DNAH3: variants seen among roughly 807,000 people sequenced by gnomAD.
DNAH3 encodes the protein axonemal beta dynein heavy chain 3.
DNAH3 carries 332 observed loss-of-function variants against 432.5 expected under a neutral mutation model. That is an observed-to-expected ratio of 0.77 (90% CI 0.70 to 0.84). The LOEUF is 0.84. Ranked by LOEUF, DNAH3 falls within the 40% of genes least tolerant of loss-of-function variation. The pLI is 0.00. For synonymous variants in DNAH3, 1,956 were observed against 1,900.2 expected (o/e 1.03, Z -0.76); for missense variants, 4,861 against 5,114.0 (o/e 0.95, Z 1.51).
rs576138320 is a variant in DNAH3, at chr16:21,042,683, T to A, written c.4462-480A>T. 8.3e-4 allele frequency among the ~76,000 whole-genome samples: 127 copies of A among 152,282 alleles called. 1 individual carries two copies. The highest frequency in any genetic ancestry group is 2.8e-3 in the African/African-American group (116 of 41,568). On this transcript the variant is annotated intron_variant, in intron 31 of 61. Transcript: ENST00000261383. Reference sequence around the variant, plus strand: ...ACAGCAAGATCTTTTTTCTTTTTTTTAATTATTATACTTTAAGTTTTAGGG... The same window carrying A: ...ACAGCAAGATCTTTTTTCTTTTTTTAAATTATTATACTTTAAGTTTTAGGG...
chr16:21,030,825 A>G (rs1162523570), intron 37 of DNAH3, among the ~76,000 whole-genome samples: 1 of 152,176 alleles, frequency 6.6e-6, no homozygotes, highest in Non-Finnish European at 1.5e-5. Flanking sequence ...TCACTATTCA[A>G]CGTGGTCTCT....
At chr16:20,965,533 G>A in intron 52 of DNAH3, 108 bp from the exon 53 acceptor site, 1 of 961,496 alleles carries the variant, frequency 1.0e-6, no homozygotes, top group Non-Finnish European at 1.5e-6. Context: ...ACAAAAACAT[G>A]GTCTGAGAGG....
intron 49 of DNAH3, among the ~76,000 whole-genome samples, chr16:20,981,758 T>A (rs1597042452): frequency 6.6e-6 from 1 of 151,486 alleles, no homozygotes; most frequent in Non-Finnish European, 1.5e-5. Flanking sequence ...ATAAATAAAA[T>A]AAACAATGAT....
chr16:21,055,013 A>G (rs938329559), intron 27 of DNAH3, among the ~76,000 whole-genome samples: 5 of 152,082 alleles, frequency 3.3e-5, no homozygotes, highest in African/African-American at 1.2e-4. Flanking sequence ...AACCTCCCAA[A>G]CTGGAAACTT....
intron 3 of DNAH3, among the ~76,000 whole-genome samples, chr16:21,142,296 G>T (rs528540993): frequency 6.6e-6 from 1 of 152,224 alleles, no homozygotes; most frequent in Admixed American, 6.5e-5. Context: ...GAACCCTGGG[G>T]ACGGAGGTTG....
chr16:21,036,927 G>A, intron 34 of DNAH3, 79 bp from the exon 35 acceptor site: 2 of 1,179,156 alleles, frequency 1.7e-6, no homozygotes, highest in Non-Finnish European at 2.4e-6. Flanking sequence ...AAAATGAGAT[G>A]TATCAACAAC....
At chr16:21,058,968 A>G (rs2090239130) in intron 26 of DNAH3, among the ~76,000 whole-genome samples, 1 of 152,104 alleles carries the variant, frequency 6.6e-6, no homozygotes, top group Non-Finnish European at 1.5e-5. Context: ...ACAGACCTGC[A>G]TGTTCTGCAC....
rs187774879 is a variant in DNAH3 at position 20,959,174 on chromosome 16, C to T, written c.10826+5G>A. 3.5e-3 allele frequency: 5,681 copies of T among 1,613,984 alleles called. 38 individuals are homozygous for T. Among genetic ancestry groups the T allele is most frequent in the Non-Finnish European group, 3.1e-3 (3,682 of 1,179,874 alleles). On this transcript the variant is annotated splice_donor_5th_base_variant and intron_variant, in intron 54 of 61. Transcript: ENST00000261383. ...AGAGAAGGCAGTGGTGGGACAGCAT[C>T]TCACCTGAATCTGGCATTGGTGCTC...
Position 21,039,771 on chromosome 16 carries a change from G to A in DNAH3, c.4730+81C>T, listed in dbSNP as rs374492786. 1.7e-4 allele frequency: 182 copies of A among 1,057,706 alleles called. 3 individuals carry two copies. The South Asian group carries it at 1.9e-3, about 11-fold the overall frequency. 65.5% of individuals were successfully genotyped at this position (1,057,706 alleles called of 1,614,324 possible). ...CAAGCTTCTCTCTCTTCTTCCAATG[G>A]GCAAACCACCTTGAATCTGCCACGC... On this transcript the variant is annotated intron_variant, in intron 33 of 61. Coordinates refer to ENST00000261383, the Ensembl canonical transcript of DNAH3.
rs753338776 is a variant in DNAH3, at chr16:21,098,769, T to C, written c.2367A>G (p.Arg789=). 3 of 1,607,618 alleles carry C rather than the reference T, an allele frequency of 1.9e-6. No homozygotes were observed. The Admixed American group carries it at 5.2e-5, about 28-fold the overall frequency. The change falls in exon 17 of 62, where the codon AGA becomes AGG. Residue 789 remains arginine (R), a splice_region_variant and synonymous_variant. Coordinates refer to ENST00000261383, the Ensembl canonical transcript of DNAH3. Reference sequence around the variant, plus strand: ...CAAGTCTCAACTCAAATTCTGAGCATCTGAAAATAAAGACAGCCTGGTTAC... The same window carrying C: ...CAAGTCTCAACTCAAATTCTGAGCACCTGAAAATAAAGACAGCCTGGTTAC...
At chr16:20,975,307 C>T in exon 51 of DNAH3, 1 of 1,614,162 alleles carries the variant, frequency 6.2e-7, no homozygotes, top group Non-Finnish European at 8.5e-7. Flanking sequence ...TTCTTTCCAT[C>T]AGCTTCTCTC....
chr16:21,151,213 A>T (rs1192744036), intron 1 of DNAH3, among the ~76,000 whole-genome samples: 1 of 152,126 alleles, frequency 6.6e-6, no homozygotes, highest in Non-Finnish European at 1.5e-5. Context: ...AATGGCAATA[A>T]TGTGAGTCCC....
chr16:20,973,702 C>G (rs777242738), intron 51 of DNAH3, among the ~76,000 whole-genome samples: 14 of 152,214 alleles, frequency 9.2e-5, no homozygotes, highest in Non-Finnish European at 1.5e-4. Flanking sequence ...AAGCCCTTAC[C>G]AGGACTATTT....
exon 21 of DNAH3, chr16:21,075,488 A>G: frequency 1.2e-6 from 2 of 1,614,132 alleles, no homozygotes; most frequent in South Asian, 1.1e-5. Context: ...ACGTTAACCC[A>G]ATCCAACTTC....
intron 41 of DNAH3, among the ~76,000 whole-genome samples, chr16:21,005,212 TCC>T (rs2087227117): frequency 6.6e-6 from 1 of 151,270 alleles, no homozygotes; most frequent in Non-Finnish European, 1.5e-5. Flanking sequence ...CTTCCCTCTC[TCC>T]TTCTGTATTT....
In DNAH3 at chr16:21,024,613, T is replaced by C. The variant is rs749256068; in HGVS notation, c.5629A>G (p.Lys1877Glu). Residue 1877 changes from lysine to glutamate, a missense_variant, in exon 39 of 62, where the codon AAG (lysine) becomes GAG (glutamate). Lys to Glu is a moderately conservative substitution (Grantham distance 56, BLOSUM62 1). Coordinates refer to ENST00000261383, the Ensembl canonical transcript of DNAH3. ...GGGCTCACCAATTCTTTGTGCTCCT[T>C]GGTGAGACTGGAGGGCAGGGTGTCC... is the stretch of plus-strand genomic sequence containing the variant. The C allele has an allele frequency of 9.9e-6, 16 of 1,611,040 alleles. No individual in the cohort carries two copies. Among genetic ancestry groups the C allele is most frequent in the South Asian group, 3.3e-5 (3 of 90,790 alleles).
At chr16:20,940,908 A>C (rs1000700127) in intron 59 of DNAH3, among the ~76,000 whole-genome samples, 1 of 152,118 alleles carries the variant, frequency 6.6e-6, no homozygotes, top group Admixed American at 6.6e-5. Context: ...AGCCTGGCCA[A>C]CATGTCAAAA....
intron 55 of DNAH3, among the ~76,000 whole-genome samples, chr16:20,952,894 C>T (rs2152586549): frequency 6.6e-6 from 1 of 152,276 alleles, no homozygotes; most frequent in South Asian, 2.1e-4. Context: ...GGCTAGACAG[C>T]AGGAGCTACG....
intron 21 of DNAH3, among the ~76,000 whole-genome samples, chr16:21,075,079 T>A (rs369039649): frequency 6.6e-6 from 1 of 152,154 alleles, no homozygotes; most frequent in Non-Finnish European, 1.5e-5. Flanking sequence ...CCTGCATGCA[T>A]TGACATCTGA....
Sources: gnomAD v4.1 joint callset for allele counts (sites outside exome capture counted in the v4.1 genomes callset) on GRCh38, gnomAD v4.1.1 for gene constraint, MANE v1.5 for transcripts, NCBI Gene and HGNC (gene_info 2026-07-23, HGNC 2026-07-21) for gene names.